Variants in RSRC1 observed in about 807,000 individuals in gnomAD.
The protein encoded by RSRC1 is serine/Arginine-related protein 53.
Under a neutral mutation model 49.1 loss-of-function variants are expected in RSRC1, and 39 were observed. The ratio of observed to expected loss-of-function variants is 0.79; its 90% CI spans 0.61 to 1.04. The LOEUF (loss-of-function observed/expected upper bound fraction) is 1.04. Among genes scored for constraint, RSRC1 ranks in the 50% least tolerant of loss-of-function variants. RSRC1 has a pLI of 0.00. For synonymous variants in RSRC1, 143 were observed against 130.8 expected, an observed-to-expected ratio of 1.09 and a Z score of -0.63; for missense variants, 388 against 402.4, an observed-to-expected ratio of 0.96 and a Z score of 0.31.
intron 5 of RSRC1, among the ~76,000 whole-genome samples, chr3:158,351,483 C>T (rs1730869568): frequency 6.6e-6 from 1 of 152,170 alleles, no homozygotes; most frequent in Admixed American, 6.5e-5. Context: ...AGTATATCCC[C>T]ATAGTTGGAG....
chr3:158,434,006 T>C (rs1186678602), intron 6 of RSRC1, among the ~76,000 whole-genome samples: 2 of 151,966 alleles, frequency 1.3e-5, no homozygotes, highest in Non-Finnish European at 2.9e-5. Flanking sequence ...GAATGATTTT[T>C]TGAAACTCCA....
At chr3:158,457,329 A>T (rs1737382752) in intron 6 of RSRC1, among the ~76,000 whole-genome samples, 1 of 152,184 alleles carries the variant, frequency 6.6e-6, no homozygotes, top group Non-Finnish European at 1.5e-5. Flanking sequence ...CATAAGGATA[A>T]GAGTTGAAGG....
intron 4 of RSRC1, among the ~76,000 whole-genome samples, chr3:158,284,375 C>T (rs1237541093): frequency 6.8e-6 from 1 of 146,350 alleles, no homozygotes; most frequent in African/African-American, 2.6e-5. Flanking sequence ...GTCTTTATAG[C>T]GGCATGATTT....
intron 4 of RSRC1, among the ~76,000 whole-genome samples, chr3:158,249,305 C>T (rs1159396791): frequency 7.2e-5 from 11 of 152,178 alleles, no homozygotes; most frequent in Admixed American, 6.5e-4. Context: ...CCCTCAGGCA[C>T]CCACTTATTG....
intron 5 of RSRC1, among the ~76,000 whole-genome samples, chr3:158,339,046 A>G (rs1050522420): frequency 2.6e-5 from 4 of 151,408 alleles, no homozygotes; most frequent in Admixed American, 6.6e-5. Context: ...TAATCCCAGC[A>G]CTTTGGGAGG....
intron 7 of RSRC1, among the ~76,000 whole-genome samples, chr3:158,524,890 A>G (rs1711912963): frequency 6.6e-6 from 1 of 152,020 alleles, no homozygotes. Flanking sequence ...CATAAGAATT[A>G]GCTTTAGTTT....
At chr3:158,518,148 A>ATATTTTTTTTTT (rs1310027981) in intron 7 of RSRC1, among the ~76,000 whole-genome samples, 1 of 44,142 alleles carries the variant, frequency 2.3e-5, no homozygotes, top group African/African-American at 1.5e-4. Flanking sequence ...ATATATATAT[A>ATATTTTTTTTTT]TTTTTTTTTT....
intron 6 of RSRC1, among the ~76,000 whole-genome samples, chr3:158,393,313 A>G (rs1442109966): frequency 6.6e-6 from 1 of 152,022 alleles, no homozygotes; most frequent in Non-Finnish European, 1.5e-5. Context: ...GAAATAACCA[A>G]AATCAAAGCT....
chr3:158,340,565 C>CA (rs898839051), intron 5 of RSRC1, among the ~76,000 whole-genome samples: 7 of 151,732 alleles, frequency 4.6e-5, no homozygotes, highest in Non-Finnish European at 1.0e-4. Flanking sequence ...AAAAGAAAGA[C>CA]AAAAAAAAGA....
At chr3:158,259,801 C>G (rs1724788128) in intron 4 of RSRC1, among the ~76,000 whole-genome samples, 2 of 152,188 alleles carry the variant, frequency 1.3e-5, no homozygotes, top group Admixed American at 1.3e-4. Flanking sequence ...AGGCAAAGTC[C>G]TTTCTGCTCT....
chr3:158,304,817 G>A (rs529831249), intron 5 of RSRC1, among the ~76,000 whole-genome samples: 11 of 152,126 alleles, frequency 7.2e-5, no homozygotes, highest in Admixed American at 1.3e-4. Context: ...ACAGCATGAA[G>A]TTTTTCTTCT....
intron 7 of RSRC1, among the ~76,000 whole-genome samples, chr3:158,473,545 G>A (rs2108425407): frequency 6.6e-6 from 1 of 152,022 alleles, no homozygotes; most frequent in East Asian, 1.9e-4. Flanking sequence ...GATAGCATTA[G>A]GAGATATACC....
At chr3:158,330,448 G>T (rs1300795660) in intron 5 of RSRC1, among the ~76,000 whole-genome samples, 2 of 152,050 alleles carry the variant, frequency 1.3e-5, no homozygotes, top group African/African-American at 4.8e-5. Flanking sequence ...TATGTCAAAG[G>T]GTATGAGTAT....
chr3:158,422,317 T>C (rs1466621255), intron 6 of RSRC1, among the ~76,000 whole-genome samples: 4 of 148,666 alleles, frequency 2.7e-5, no homozygotes, highest in Non-Finnish European at 4.5e-5. Flanking sequence ...TGAGTGAGAA[T>C]ATGCGGTGTT....
intron 4 of RSRC1, among the ~76,000 whole-genome samples, chr3:158,260,154 T>G (rs1409070786): frequency 6.6e-6 from 1 of 152,024 alleles, no homozygotes; most frequent in East Asian, 1.9e-4. Context: ...AGGAGTCTCT[T>G]CCAATAGCCA....
intron 3 of RSRC1, among the ~76,000 whole-genome samples, chr3:158,169,571 T>A (rs1271427978): frequency 6.6e-6 from 1 of 152,162 alleles, no homozygotes; most frequent in African/African-American, 2.4e-5. Flanking sequence ...TTTAAACTTC[T>A]CCTAGAGTAC....
At chr3:158,446,602 A>G (rs1047837680) in intron 6 of RSRC1, among the ~76,000 whole-genome samples, 1 of 149,916 alleles carries the variant, frequency 6.7e-6, no homozygotes, top group African/African-American at 2.5e-5. Flanking sequence ...GGAAAATTTT[A>G]TAATAATTAT....
intron 6 of RSRC1, among the ~76,000 whole-genome samples, chr3:158,451,854 A>C (rs543425860): frequency 6.6e-6 from 1 of 152,252 alleles, no homozygotes; most frequent in African/African-American, 2.4e-5. Flanking sequence ...AAGAAACTTT[A>C]GAAAATGAGG....
At chr3:158,346,432 T>C (rs1730558556) in intron 5 of RSRC1, among the ~76,000 whole-genome samples, 1 of 152,226 alleles carries the variant, frequency 6.6e-6, no homozygotes, top group African/African-American at 2.4e-5. Context: ...TAAAAAACTC[T>C]GGAAACTCAA....
Sources: gnomAD v4.1 joint callset for allele counts (sites outside exome capture counted in the v4.1 genomes callset) on GRCh38, gnomAD v4.1.1 for gene constraint, MANE v1.5 for transcripts, NCBI Gene and HGNC (gene_info 2026-07-23, HGNC 2026-07-21) for gene names.